Variants in PRKCZ observed in about 807,000 individuals in gnomAD.
PRKCZ encodes protein kinase C zeta, also known as protein kinase C zeta type.
PRKCZ carries 33 observed loss-of-function variants against 79.5 expected under a neutral mutation model. The ratio of observed to expected loss-of-function variants is 0.41; its 90% confidence interval spans 0.31 to 0.55. PRKCZ has a LOEUF of 0.55. PRKCZ is among the 20% of genes least tolerant of loss of function. PRKCZ has a pLI of 0.19. For synonymous variants in PRKCZ, 342 were observed against 320.9 expected (o/e 1.07, Z -0.70); for missense variants, 578 against 813.5 (o/e 0.71, Z 3.52).
At chr1:2,147,483 C>T (rs12082939) in intron 7 of PRKCZ, among the ~76,000 whole-genome samples, 71,367 of 149,996 alleles carry the variant, frequency 0.48, 18,060 homozygotes, top group African/African-American at 0.68. Context: ...CATCTATCCA[C>T]ACATCTGTTG....
intron 3 of PRKCZ, among the ~76,000 whole-genome samples, chr1:2,059,081 C>T (rs1660441543): frequency 6.6e-6 from 1 of 152,166 alleles, no homozygotes; most frequent in Non-Finnish European, 1.5e-5. Flanking sequence ...AGGCGTGAGC[C>T]ATCATGTCCA....
chr1:2,106,118 C>G (rs1668362462), intron 4 of PRKCZ, among the ~76,000 whole-genome samples: 3 of 152,232 alleles, frequency 2.0e-5, no homozygotes, highest in Admixed American at 6.5e-5. Context: ...GGTGTCCCCC[C>G]AGCCCCCTGT....
At chr1:2,164,964 C>G (rs1683048173) in intron 10 of PRKCZ, among the ~76,000 whole-genome samples, 1 of 152,190 alleles carries the variant, frequency 6.6e-6, no homozygotes, top group African/African-American at 2.4e-5. Context: ...GAGGGGCTGC[C>G]TCCCATGCGT....
At chr1:2,060,808 AGGAGGCAGGGGGCGGGGAGGCTTT>A (rs1025689523) in intron 4 of PRKCZ, among the ~76,000 whole-genome samples, 3 of 152,112 alleles carry the variant, frequency 2.0e-5, no homozygotes, top group African/African-American at 7.2e-5. Flanking sequence ...GGCGAGTGTG[AGGAGGCAGGGGGCGGGGAGGCTTT>A]GGAGGCAGGT....
intron 10 of PRKCZ, among the ~76,000 whole-genome samples, chr1:2,161,674 C>T (rs1244999365): frequency 6.6e-6 from 1 of 152,174 alleles, no homozygotes; most frequent in Non-Finnish European, 1.5e-5. Flanking sequence ...TTCGGGGTCA[C>T]GTTAGGACCG....
intron 4 of PRKCZ, among the ~76,000 whole-genome samples, chr1:2,112,231 C>T (rs1348561122): frequency 6.6e-6 from 1 of 152,192 alleles, no homozygotes; most frequent in Non-Finnish European, 1.5e-5. Context: ...CTAAATTGCT[C>T]ATAAAACACA....
intron 4 of PRKCZ, among the ~76,000 whole-genome samples, chr1:2,079,216 C>T (rs1036318756): frequency 3.9e-5 from 6 of 152,312 alleles, no homozygotes; most frequent in South Asian, 2.1e-4. Flanking sequence ...TGGGGTTATT[C>T]GTCCCGGCTG....
At chr1:2,068,195 C>G (rs535000748) in intron 4 of PRKCZ, among the ~76,000 whole-genome samples, 1 of 152,214 alleles carries the variant, frequency 6.6e-6, no homozygotes, top group East Asian at 1.9e-4. Context: ...GCCCTGGTAA[C>G]GGGAGAGCAT....
intron 4 of PRKCZ, among the ~76,000 whole-genome samples, chr1:2,083,078 T>C (rs1007795597): frequency 6.6e-6 from 1 of 152,192 alleles, no homozygotes; most frequent in Non-Finnish European, 1.5e-5. Context: ...TTAAATACCT[T>C]GGTCCAAATT....
chr1:2,150,918 G>A lies in PRKCZ; in HGVS notation c.816G>A (p.Lys272=), dbSNP rs1219776976. The change falls in exon 9 of 18, where the codon AAG becomes AAA. Residue 272 remains lysine (K), a synonymous_variant. Coordinates refer to ENST00000378567, the MANE Select transcript of PRKCZ (RefSeq NM_002744.6). ...CCAAGGTTCTCCTGGTGCGGTTGAA[G>A]AAGAATGACCAAATTTACGCCATGA... ...SYAKVLLVRL[K]KNDQIYAMKV... 6 of 1,614,176 alleles carry A rather than the reference G, an allele frequency of 3.7e-6. No individual in the cohort carries two copies. The highest frequency in any genetic ancestry group is 5.1e-6 in the Non-Finnish European group (6 of 1,180,036).
chr1:2,156,193 C>T (rs1681011684), intron 10 of PRKCZ, 101 bp downstream of exon 10: 2 of 1,122,552 alleles, frequency 1.8e-6, no homozygotes, highest in Admixed American at 1.8e-5. Context: ...CTGTAAGGTT[C>T]TCCCAGTTGC....
chr1:2,124,673 C>T (rs960910728), intron 4 of PRKCZ, among the ~76,000 whole-genome samples: 3 of 152,120 alleles, frequency 2.0e-5, no homozygotes, highest in South Asian at 2.1e-4. Context: ...GCTGAGCCGA[C>T]GGAGACAGTT....
chr1:2,110,021 T>C (rs1444802655), intron 4 of PRKCZ, among the ~76,000 whole-genome samples: 2 of 152,118 alleles, frequency 1.3e-5, no homozygotes, highest in Non-Finnish European at 2.9e-5. Flanking sequence ...GGCCATTTCA[T>C]CGGGGCCCTC....
chr1:2,128,770 A>G lies in PRKCZ; in HGVS notation c.335-6492A>G, dbSNP rs1298723917. On this transcript the variant is annotated intron_variant, in intron 4 of 17. Coordinates refer to ENST00000378567, the MANE Select transcript of PRKCZ (RefSeq NM_002744.6). The surrounding 1 kb of genome is among the most constrained non-coding windows in gnomAD (Gnocchi z 6.5). ...CACTGTGCGCTGTCCACTGCAGGAG[A>G]CCCCAGGCTGTGTCCACACGTACCC... 6.6e-6 allele frequency among the ~76,000 whole-genome samples: 1 copy of G among 151,720 alleles called. No homozygotes were observed. Among genetic ancestry groups the G allele is most frequent in the Non-Finnish European group, 1.5e-5 (1 of 67,958 alleles).
rs1479559070 is a variant in PRKCZ, at chr1:2,175,080, A to G, written c.1486-144A>G. The G allele has an allele frequency of 5.2e-6, 4 of 764,792 alleles. No homozygotes were observed. In the South Asian group the frequency reaches 7.0e-5, roughly 13 times the overall value. The allele number at this position is 764,792 out of a possible 1,614,324, so 47.4% of individuals were successfully genotyped here. Reference sequence around the variant, plus strand: ...CTTAACGTACGGGGAAGGAACTTTCAATAAAGGAAACATCTGATTTCCACC... The same window carrying G: ...CTTAACGTACGGGGAAGGAACTTTCGATAAAGGAAACATCTGATTTCCACC... On this transcript the variant is annotated intron_variant, in intron 15 of 17. Transcript: ENST00000378567.
At chr1:2,152,411 T>C (rs1235782340) in intron 9 of PRKCZ, among the ~76,000 whole-genome samples, 1 of 152,068 alleles carries the variant, frequency 6.6e-6, no homozygotes, top group Admixed American at 6.6e-5. Context: ...CGCACACCTC[T>C]AATCCCAGCT....
At chr1:2,097,641 C>A (rs948101220) in intron 4 of PRKCZ, among the ~76,000 whole-genome samples, 11 of 152,086 alleles carry the variant, frequency 7.2e-5, no homozygotes, top group Middle Eastern at 6.8e-3. Flanking sequence ...GTTGTGTGCA[C>A]CCCCAGCCCA....
At chr1:2,180,949 G>C (rs1686486022) in intron 16 of PRKCZ, among the ~76,000 whole-genome samples, 1 of 152,190 alleles carries the variant, frequency 6.6e-6, no homozygotes, top group African/African-American at 2.4e-5. Flanking sequence ...CGGCTAGTAT[G>C]GCCAAAGTGG....
intron 11 of PRKCZ, among the ~76,000 whole-genome samples, chr1:2,171,399 T>A (rs1233777737): frequency 6.9e-6 from 1 of 144,886 alleles, no homozygotes; most frequent in Non-Finnish European, 1.5e-5. Flanking sequence ...GGAGTCTCGC[T>A]CTGTCACCCA....
Sources: gnomAD v4.1 joint callset for allele counts (sites outside exome capture counted in the v4.1 genomes callset) on GRCh38, gnomAD v4.1.1 for gene constraint, Gnocchi (gnomAD v3.1) non-coding constraint, MANE v1.5 for transcripts, NCBI Gene and HGNC (gene_info 2026-07-23, HGNC 2026-07-21) for gene names.